CDH12: variants seen among roughly 807,000 people sequenced by gnomAD.
The protein encoded by CDH12 is cadherin 12.
A neutral mutation model predicts 74.1 loss-of-function variants in CDH12; 41 were observed. The ratio of observed to expected loss-of-function variants is 0.55; its 90% CI spans 0.43 to 0.72. CDH12 has a LOEUF of 0.72. Among genes scored for constraint, CDH12 ranks in the 30% least tolerant of loss-of-function variants. CDH12 has a pLI of 0.00. For synonymous variants in CDH12, 399 were observed against 355.0 expected, an observed-to-expected ratio of 1.12 and a Z score of -1.39; for missense variants, 945 against 977.2, an observed-to-expected ratio of 0.97 and a Z score of 0.44.
chr5:22,159,086 C>T (rs1272222378), intron 4 of CDH12, among the ~76,000 whole-genome samples: 1 of 151,964 alleles, frequency 6.6e-6, no homozygotes. Flanking sequence ...GACTTTATAG[C>T]AGTGGTGAAT....
At chr5:22,039,127 C>T (rs1017219927) in intron 5 of CDH12, among the ~76,000 whole-genome samples, 19 of 152,094 alleles carry the variant, frequency 1.2e-4, no homozygotes, top group African/African-American at 4.6e-4. Flanking sequence ...CCCACTATCG[C>T]AGGATCCAGG....
At chr5:21,907,137 C>T (rs750258139) in intron 6 of CDH12, among the ~76,000 whole-genome samples, 1 of 152,170 alleles carries the variant, frequency 6.6e-6, no homozygotes, top group Admixed American at 6.5e-5. Flanking sequence ...GCAACATCCC[C>T]GCATGCATTA....
At chr5:22,759,983 T>C (rs1295102377) in intron 1 of CDH12, among the ~76,000 whole-genome samples, 2 of 152,192 alleles carry the variant, frequency 1.3e-5, no homozygotes, top group Non-Finnish European at 2.9e-5. Flanking sequence ...CCACCCACCT[T>C]GTGGATGGTA....
intron 5 of CDH12, among the ~76,000 whole-genome samples, chr5:21,989,571 C>A (rs1205006859): frequency 1.3e-5 from 2 of 152,054 alleles, no homozygotes; most frequent in Admixed American, 6.6e-5. Context: ...TCTGTACCCC[C>A]CATTGCCTCT....
chr5:22,307,873 G>GAT (rs1554030097), intron 3 of CDH12, among the ~76,000 whole-genome samples: 2 of 68,660 alleles, frequency 2.9e-5, no homozygotes, highest in Non-Finnish European at 4.8e-5. Flanking sequence ...CTTTCTTTTA[G>GAT]TTTTTTTTTT....
At chr5:22,708,923 C>A (rs901943733) in intron 1 of CDH12, among the ~76,000 whole-genome samples, 19 of 152,138 alleles carry the variant, frequency 1.2e-4, no homozygotes, top group African/African-American at 4.6e-4. Flanking sequence ...CGCCGCCACC[C>A]TGTGGTCACT....
At chr5:22,153,887 T>TAAAA (rs70957095) in intron 4 of CDH12, among the ~76,000 whole-genome samples, 4 of 70,226 alleles carry the variant, frequency 5.7e-5, no homozygotes, top group African/African-American at 1.7e-4. Flanking sequence ...TATATATATA[T>TAAAA]AAATATATAT....
intron 4 of CDH12, among the ~76,000 whole-genome samples, chr5:22,153,887 T>TAC (rs1421687468): frequency 2.8e-5 from 2 of 70,216 alleles, no homozygotes; most frequent in Non-Finnish European, 5.9e-5. Flanking sequence ...TATATATATA[T>TAC]AAATATATAT....
intron 1 of CDH12, among the ~76,000 whole-genome samples, chr5:22,685,077 G>A (rs1741690423): frequency 1.3e-5 from 2 of 152,044 alleles, no homozygotes; most frequent in Non-Finnish European, 1.5e-5. Flanking sequence ...CAAAATTCTT[G>A]AGTTCATAGC....
chr5:22,262,217 A>G (rs1753544810), intron 3 of CDH12, among the ~76,000 whole-genome samples: 1 of 150,064 alleles, frequency 6.7e-6, no homozygotes. Flanking sequence ...CACTGCACCC[A>G]CTAACTCGTC....
chr5:22,152,021 C>G (rs1039117832), intron 4 of CDH12: 2 of 151,864 alleles, frequency 1.3e-5, no homozygotes, highest in African/African-American at 2.4e-5. Context: ...AACTCCAGCT[C>G]CAAGCTGCTA....
intron 1 of CDH12, among the ~76,000 whole-genome samples, chr5:22,653,545 A>G (rs1580854053): frequency 6.6e-6 from 1 of 151,980 alleles, no homozygotes. Flanking sequence ...CTCTACCTTT[A>G]TAATGTATTC....
intron 5 of CDH12, among the ~76,000 whole-genome samples, chr5:22,037,004 A>T (rs1448486065): frequency 6.6e-6 from 1 of 152,196 alleles, no homozygotes; most frequent in Admixed American, 6.5e-5. Flanking sequence ...ATCAACTCTA[A>T]AATTGAAAAT....
At chr5:22,679,606 T>G (rs1741382638) in intron 1 of CDH12, among the ~76,000 whole-genome samples, 1 of 152,080 alleles carries the variant, frequency 6.6e-6, no homozygotes, top group Non-Finnish European at 1.5e-5. Context: ...CCTGGGCATA[T>G]TACTTGGATA....
At chr5:22,196,689 AAAC>A (rs1750637365) in intron 4 of CDH12, among the ~76,000 whole-genome samples, 1 of 152,142 alleles carries the variant, frequency 6.6e-6, no homozygotes, top group Admixed American at 6.5e-5. Flanking sequence ...ATCAGGACTC[AAAC>A]AACTTCTGAG....
chr5:22,830,339 TTATG>T (rs1368883189), intron 1 of CDH12, among the ~76,000 whole-genome samples: 1 of 152,152 alleles, frequency 6.6e-6, no homozygotes, highest in East Asian at 1.9e-4. Context: ...AATTAGCAAT[TTATG>T]TATGTATACA....
chr5:22,827,052 G>A (rs533987442), intron 1 of CDH12, among the ~76,000 whole-genome samples: 1 of 152,298 alleles, frequency 6.6e-6, no homozygotes, highest in South Asian at 2.1e-4. Flanking sequence ...CCCGTTACAG[G>A]CCCACAGGTT....
chr5:21,859,213 A>G (rs1034900779), intron 6 of CDH12, among the ~76,000 whole-genome samples: 2 of 151,968 alleles, frequency 1.3e-5, no homozygotes, highest in African/African-American at 4.8e-5. Flanking sequence ...TCATAAAGAA[A>G]AAAGGTTTAA....
chr5:21,912,017 T>C (rs574431534), intron 6 of CDH12, among the ~76,000 whole-genome samples: 1 of 152,210 alleles, frequency 6.6e-6, no homozygotes, highest in African/African-American at 2.4e-5. Context: ...GAGAAACAAG[T>C]TAGGACAGTC....
Sources: gnomAD v4.1 joint callset for allele counts (sites outside exome capture counted in the v4.1 genomes callset) on GRCh38, gnomAD v4.1.1 for gene constraint, MANE v1.5 for transcripts, NCBI Gene and HGNC (gene_info 2026-07-23, HGNC 2026-07-21) for gene names.